Variants in PLD5 observed in about 807,000 individuals in gnomAD.
PLD5 encodes phospholipase D family member 5, also known as inactive phospholipase D5.
PLD5 carries 36 observed loss-of-function variants against 61.1 expected under a neutral mutation model. The ratio of observed to expected loss-of-function variants is 0.59; its 90% CI spans 0.45 to 0.78. The LOEUF (loss-of-function observed/expected upper bound fraction) is 0.78. Among genes scored for constraint, PLD5 ranks in the 30% least tolerant of loss-of-function variants. PLD5 has a pLI of 0.00. For synonymous variants in PLD5, 243 were observed against 242.8 expected (o/e 1.00, Z -0.01); for missense variants, 515 against 644.4 (o/e 0.80, Z 2.17).
intron 2 of PLD5, among the ~76,000 whole-genome samples, chr1:242,317,601 C>T (rs1161769805): frequency 1.3e-5 from 2 of 152,034 alleles, no homozygotes; most frequent in Admixed American, 6.6e-5. Context: ...ACTCTATGTC[C>T]TATTACTTGT....
chr1:242,514,245 T>C (rs573316024), intron 1 of PLD5, among the ~76,000 whole-genome samples: 10 of 152,322 alleles, frequency 6.6e-5, no homozygotes, highest in Admixed American at 4.6e-4. Flanking sequence ...ACTTGTTAAG[T>C]CACTGCTCTC....
chr1:242,437,023 C>T (rs1259527314), intron 1 of PLD5, among the ~76,000 whole-genome samples: 2 of 152,084 alleles, frequency 1.3e-5, no homozygotes, highest in African/African-American at 2.4e-5. Flanking sequence ...AACCAGGAGT[C>T]CTGAAAGTTG....
At chr1:242,382,545 G>A (rs564267058) in intron 1 of PLD5, among the ~76,000 whole-genome samples, 54 of 152,250 alleles carry the variant, frequency 3.5e-4, no homozygotes, top group African/African-American at 1.3e-3. Context: ...AAGTTGCTAA[G>A]CTGTCAAATC....
chr1:242,477,226 G>A (rs1667622568), intron 1 of PLD5, among the ~76,000 whole-genome samples: 1 of 151,986 alleles, frequency 6.6e-6, no homozygotes. Flanking sequence ...CTCCAGCCTG[G>A]GTGACAAGAG....
chr1:242,248,447 A>T (rs986969910), intron 4 of PLD5, among the ~76,000 whole-genome samples: 14 of 142,090 alleles, frequency 9.9e-5, no homozygotes, highest in Non-Finnish European at 1.4e-4. Context: ...AAGTATATTT[A>T]AAAAAAAAGA....
intron 5 of PLD5, among the ~76,000 whole-genome samples, chr1:242,205,307 C>G (rs1387568962): frequency 6.6e-6 from 1 of 152,124 alleles, no homozygotes; most frequent in Non-Finnish European, 1.5e-5. Flanking sequence ...CTGCCACAGA[C>G]AATAAAATGG....
chr1:242,298,870 A>G (rs1223758314), intron 2 of PLD5, among the ~76,000 whole-genome samples: 3 of 152,170 alleles, frequency 2.0e-5, no homozygotes, highest in Non-Finnish European at 4.4e-5. Context: ...AAACTTGAGG[A>G]GGATGAAGAC....
At chr1:242,108,376 A>T (rs1480577588) in intron 7 of PLD5, among the ~76,000 whole-genome samples, 1 of 152,024 alleles carries the variant, frequency 6.6e-6, no homozygotes, top group South Asian at 2.1e-4. Context: ...CGTTTTCTGC[A>T]GGGTCTTTGG....
intron 1 of PLD5, among the ~76,000 whole-genome samples, chr1:242,499,090 C>T (rs534492570): frequency 7.9e-4 from 120 of 152,266 alleles, no homozygotes; most frequent in Non-Finnish European, 1.4e-3. Context: ...GGATTCGTTT[C>T]TTTGCATCCT....
intron 1 of PLD5, among the ~76,000 whole-genome samples, chr1:242,464,740 A>G (rs4658484): frequency 0.64 from 96,987 of 152,052 alleles, 31,815 homozygotes; most frequent in African/African-American, 0.78. Flanking sequence ...TCAGCAGTGG[A>G]AACAGCCCAA....
intron 1 of PLD5, chr1:242,377,509 C>A: frequency 1.6e-6 from 1 of 628,914 alleles, no homozygotes; most frequent in Non-Finnish European, 2.9e-6. Context: ...ACAAAAGCCT[C>A]TGAGGTTGGA....
chr1:242,393,702 A>ATG (rs1283821427), intron 1 of PLD5, among the ~76,000 whole-genome samples: 1 of 100,238 alleles, frequency 1.0e-5, no homozygotes, highest in Admixed American at 1.2e-4. Context: ...ATGAGTATAT[A>ATG]TGTGTGTATA....
intron 1 of PLD5, among the ~76,000 whole-genome samples, chr1:242,385,091 G>C: frequency 6.6e-6 from 1 of 152,118 alleles, no homozygotes; most frequent in East Asian, 1.9e-4. Context: ...CCAAATTCGG[G>C]ACACTTTGAG....
chr1:242,200,278 C>T (rs1668902473), intron 5 of PLD5, among the ~76,000 whole-genome samples: 1 of 152,164 alleles, frequency 6.6e-6, no homozygotes, highest in South Asian at 2.1e-4. Flanking sequence ...TTTATTCCTG[C>T]CTTGTGGACA....
intron 5 of PLD5, among the ~76,000 whole-genome samples, chr1:242,156,783 C>A (rs1314983930): frequency 6.6e-6 from 1 of 152,164 alleles, no homozygotes; most frequent in Non-Finnish European, 1.5e-5. Flanking sequence ...CTGCCCTTAA[C>A]ATTTTTTACT....
chr1:242,273,479 T>A lies in PLD5; in HGVS notation c.496-8031A>T, dbSNP rs547736186. 2.9e-3 allele frequency among the ~76,000 whole-genome samples: 435 copies of A among 152,268 alleles called. 5 individuals carry two copies. Among genetic ancestry groups the A allele is most frequent in the Non-Finnish European group, 3.0e-3 (202 of 68,038 alleles). On this transcript the variant is annotated intron_variant, in intron 3 of 9. Transcript: ENST00000536534. ...AGGGACCTCTATATTATATTACAAA[T>A]AAAAATGTGTTTCCAGTCAGAATTA...
At chr1:242,198,742 T>G (rs572796982) in intron 5 of PLD5, among the ~76,000 whole-genome samples, 31 of 145,930 alleles carry the variant, frequency 2.1e-4, no homozygotes, top group African/African-American at 8.3e-4. Context: ...ATCTCATTAT[T>G]ATTATTATTT....
rs1275140297 is a variant in PLD5, at chr1:242,394,164, A to ATATATGTGTATATATGAG, written c.190-45923_190-45922insCTCATATATACACATATA. ...TATATATATGTGTATATATATGAGT[A>ATATATGTGTATATATGAG]TATATATGTGTATATATGAGTATAT... is the stretch of plus-strand genomic sequence containing the variant. On this transcript the variant is annotated intron_variant, in intron 1 of 9. Transcript: ENST00000536534. Among the ~76,000 whole-genome samples the ATATATGTGTATATATGAG allele has an allele frequency of 5.9e-4, 50 of 84,502 alleles. 7 individuals carry two copies. Among genetic ancestry groups the ATATATGTGTATATATGAG allele is most frequent in the African/African-American group, 2.2e-3 (47 of 21,012 alleles). The allele number at this position is 84,502 out of a possible 152,430, so 55.4% of individuals were successfully genotyped here.
At chr1:242,114,701 A>G (rs1661806919) in intron 6 of PLD5, among the ~76,000 whole-genome samples, 2 of 152,068 alleles carry the variant, frequency 1.3e-5, no homozygotes, top group South Asian at 4.2e-4. Flanking sequence ...CTGCGCATGT[A>G]AGGGATCTAG....
Sources: gnomAD v4.1 joint callset for allele counts (sites outside exome capture counted in the v4.1 genomes callset) on GRCh38, gnomAD v4.1.1 for gene constraint, MANE v1.5 for transcripts, NCBI Gene and HGNC (gene_info 2026-07-23, HGNC 2026-07-21) for gene names.